Variants in ADAMTS19 observed in about 807,000 individuals in gnomAD.
ADAMTS19 encodes ADAM metallopeptidase with thrombospondin type 1 motif 19, also known as A disintegrin and metalloproteinase with thrombospondin motifs 19.
ADAMTS19 carries 93 observed loss-of-function variants against 153.3 expected under a neutral mutation model. The observed-to-expected ratio is 0.61, with a 90% CI of 0.51 to 0.72. The LOEUF is 0.72. Among genes scored for constraint, ADAMTS19 ranks in the 30% least tolerant of loss-of-function variants. ADAMTS19 has a pLI of 0.00. For missense variants in ADAMTS19, 1,482 were observed against 1,552.1 expected (o/e 0.95, Z 0.76); for synonymous variants, 600 against 556.6 (o/e 1.08, Z -1.10).
chr5:129,552,533 T>A (rs1416677991), intron 7 of ADAMTS19, among the ~76,000 whole-genome samples: 1 of 151,348 alleles, frequency 6.6e-6, no homozygotes, highest in Non-Finnish European at 1.5e-5. Context: ...TCTTTATATA[T>A]AAATATATAT....
At chr5:129,730,180 A>G (rs1757375699) in intron 21 of ADAMTS19, among the ~76,000 whole-genome samples, 1 of 152,038 alleles carries the variant, frequency 6.6e-6, no homozygotes, top group South Asian at 2.1e-4. Flanking sequence ...AAGGCTTTTA[A>G]AGGAGAAAGA....
chr5:129,574,255 T>A (rs1754017418), intron 7 of ADAMTS19, among the ~76,000 whole-genome samples: 2 of 152,100 alleles, frequency 1.3e-5, no homozygotes, highest in Admixed American at 1.3e-4. Context: ...GAAAACTGAA[T>A]GTCAGAAAAG....
At chr5:129,680,510 G>A (rs886903582) in intron 17 of ADAMTS19, among the ~76,000 whole-genome samples, 1 of 152,112 alleles carries the variant, frequency 6.6e-6, no homozygotes, top group Non-Finnish European at 1.5e-5. Context: ...TGTAATCCCA[G>A]CACTCTGGGA....
intron 19 of ADAMTS19, among the ~76,000 whole-genome samples, chr5:129,698,539 C>A (rs1046859459): frequency 6.6e-6 from 1 of 152,038 alleles, no homozygotes; most frequent in African/African-American, 2.4e-5. Context: ...TTCTAAGCCA[C>A]GAAAATGTTT....
At chr5:129,725,109 A>G (rs1333439786) in intron 21 of ADAMTS19, among the ~76,000 whole-genome samples, 2 of 152,112 alleles carry the variant, frequency 1.3e-5, no homozygotes, top group Non-Finnish European at 2.9e-5. Context: ...GAAAAACATT[A>G]CTAAGGACTC....
rs200576506 is a variant in ADAMTS19 at position 129,516,888 on chromosome 5, C to CTTT, written c.913+7661_913+7663dup. Among the ~76,000 whole-genome samples the CTTT allele has an allele frequency of 4.2e-4, 44 of 105,674 alleles. 1 individual carries two copies. Among genetic ancestry groups the CTTT allele is most frequent in the African/African-American group, 1.2e-3 (35 of 28,246 alleles). The allele number at this position is 105,674 out of a possible 152,430, so 69.3% of individuals were successfully genotyped here. A position where few individuals can be genotyped will look rare whatever the true frequency, so the allele number is the denominator to read the frequency against. The stretch of plus-strand genomic sequence containing the variant: ...CTTGTTAGGTTTTTTGAGATTTTTC[C>CTTT]TTTTTTTTTTTTTTTTTCGATGTAG... On this transcript the variant is annotated intron_variant, in intron 3 of 22. Transcript: ENST00000274487.
intron 2 of ADAMTS19, among the ~76,000 whole-genome samples, chr5:129,491,160 C>T (rs1750758018): frequency 6.6e-6 from 1 of 152,004 alleles, no homozygotes; most frequent in Non-Finnish European, 1.5e-5. Flanking sequence ...CACCACCACG[C>T]CCACCTAATT....
chr5:129,643,406 A>G (rs1370460669), intron 11 of ADAMTS19, among the ~76,000 whole-genome samples: 1 of 151,490 alleles, frequency 6.6e-6, no homozygotes, highest in African/African-American at 2.4e-5. Flanking sequence ...AAGAAAATAT[A>G]AACACAAAAC....
At chr5:129,664,331 T>A (rs142897518) in intron 15 of ADAMTS19, among the ~76,000 whole-genome samples, 215 of 152,316 alleles carry the variant, frequency 1.4e-3, no homozygotes, top group African/African-American at 4.9e-3. Context: ...ACCTGACTTC[T>A]GTGTGCAAAT....
At chr5:129,547,595 G>A (rs1217361368) in intron 6 of ADAMTS19, among the ~76,000 whole-genome samples, 1 of 150,308 alleles carries the variant, frequency 6.7e-6, no homozygotes. Flanking sequence ...AATATAACTT[G>A]GCATTGAATC....
chr5:129,556,128 C>T (rs1357212982), intron 7 of ADAMTS19, among the ~76,000 whole-genome samples: 1 of 152,106 alleles, frequency 6.6e-6, no homozygotes, highest in African/African-American at 2.4e-5. Flanking sequence ...CAATTACACA[C>T]TTTTTCCTGT....
chr5:129,538,846 TTAAGTA>T (rs1231479130), intron 6 of ADAMTS19, among the ~76,000 whole-genome samples: 6 of 152,138 alleles, frequency 3.9e-5, no homozygotes, highest in Non-Finnish European at 5.9e-5. Context: ...TGGCAAAAGT[TTAAGTA>T]TAACTTTTAA....
At chr5:129,639,392 T>C (rs1163616957) in intron 10 of ADAMTS19, among the ~76,000 whole-genome samples, 1 of 152,192 alleles carries the variant, frequency 6.6e-6, no homozygotes, top group African/African-American at 2.4e-5. Flanking sequence ...ATCTGAGTTA[T>C]TTTTAAGACC....
intron 18 of ADAMTS19, among the ~76,000 whole-genome samples, chr5:129,694,044 C>T (rs951901647): frequency 6.6e-6 from 1 of 152,122 alleles, no homozygotes; most frequent in Non-Finnish European, 1.5e-5. Context: ...CAGAAAGGCT[C>T]ATTAGGGAGA....
chr5:129,688,899 A>G (rs1444723564), intron 18 of ADAMTS19, among the ~76,000 whole-genome samples: 1 of 152,208 alleles, frequency 6.6e-6, no homozygotes, highest in Non-Finnish European at 1.5e-5. Context: ...TTATTTTGGC[A>G]TCTCAGAAGT....
chr5:129,657,657 T>C (rs1753603122), intron 14 of ADAMTS19, among the ~76,000 whole-genome samples: 1 of 152,226 alleles, frequency 6.6e-6, no homozygotes, highest in Non-Finnish European at 1.5e-5. Context: ...AGCCATAGGT[T>C]GTGAGGAGTT....
chr5:129,526,817 T>TA, intron 4 of ADAMTS19, among the ~76,000 whole-genome samples: 1 of 151,792 alleles, frequency 6.6e-6, no homozygotes, highest in African/African-American at 2.4e-5. Flanking sequence ...TTTATTTATT[T>TA]TTTTGGTACA....
intron 2 of ADAMTS19, among the ~76,000 whole-genome samples, chr5:129,485,270 C>T (rs913830929): frequency 1.3e-5 from 2 of 151,928 alleles, no homozygotes; most frequent in African/African-American, 4.8e-5. Context: ...AAGAAGAAAT[C>T]CCAAAAGAAC....
intron 2 of ADAMTS19, among the ~76,000 whole-genome samples, chr5:129,503,809 C>T (rs1270756043): frequency 6.6e-6 from 1 of 151,874 alleles, no homozygotes; most frequent in African/African-American, 2.4e-5. Context: ...GCCTGGGTGA[C>T]AGAGTGACAC....
Sources: allele counts gnomAD v4.1 joint callset (sites outside exome capture counted in the v4.1 genomes callset), GRCh38; gene constraint gnomAD v4.1.1; transcripts MANE v1.5; gene names NCBI Gene and HGNC (gene_info 2026-07-23, HGNC 2026-07-21).